MAST4: variants seen among roughly 807,000 people sequenced by gnomAD.
The protein encoded by MAST4 is microtubule associated serine/threonine kinase family member 4, also known as microtubule-associated serine/threonine-protein kinase 4.
MAST4 carries 89 observed loss-of-function variants against 162.7 expected under a neutral mutation model. That is an observed-to-expected ratio of 0.55 (90% confidence interval 0.46 to 0.65). MAST4 has a LOEUF of 0.65. Among genes scored for constraint, MAST4 ranks in the 30% least tolerant of loss-of-function variants. The pLI is 0.00. For missense variants in MAST4, 3,153 were observed against 3,374.0 expected, an observed-to-expected ratio of 0.93 and a Z score of 1.62; for synonymous variants, 1,479 against 1,361.1, an observed-to-expected ratio of 1.09 and a Z score of -1.91.
intron 5 of MAST4, among the ~76,000 whole-genome samples, chr5:67,062,346 C>T (rs762177615): frequency 7.2e-5 from 11 of 151,802 alleles, no homozygotes; most frequent in Non-Finnish European, 5.9e-5. Context: ...TGCAGTGAGC[C>T]GAGATCACGC....
intron 4 of MAST4, among the ~76,000 whole-genome samples, chr5:67,040,670 G>T (rs1756637945): frequency 6.6e-6 from 1 of 152,156 alleles, no homozygotes. Context: ...AGTCTGGTTT[G>T]GTTGGTATCC....
At chr5:66,855,324 A>C (rs575328708) in intron 3 of MAST4, among the ~76,000 whole-genome samples, 1 of 152,308 alleles carries the variant, frequency 6.6e-6, no homozygotes, top group Non-Finnish European at 1.5e-5. Flanking sequence ...CTATGATTAA[A>C]AGCTCCCTGA....
intron 4 of MAST4, among the ~76,000 whole-genome samples, chr5:66,992,149 G>T (rs1028526445): frequency 6.6e-6 from 1 of 152,112 alleles, no homozygotes; most frequent in Non-Finnish European, 1.5e-5. Context: ...GTGATTTTAT[G>T]ATTGCAATCG....
chr5:67,105,073 A>G (rs73766403), intron 10 of MAST4, among the ~76,000 whole-genome samples: 1,861 of 152,284 alleles, frequency 0.012, 37 homozygotes, highest in African/African-American at 0.042. Flanking sequence ...AAAATATCCA[A>G]TTTCCAAAAT....
chr5:66,832,777 G>T (rs530562156), intron 3 of MAST4, among the ~76,000 whole-genome samples: 107 of 152,332 alleles, frequency 7.0e-4, no homozygotes, highest in African/African-American at 2.4e-3. Flanking sequence ...AAGAAGTCTA[G>T]TTGGAAGATT....
At chr5:67,031,462 A>G (rs906455747) in intron 4 of MAST4, among the ~76,000 whole-genome samples, 3 of 147,980 alleles carry the variant, frequency 2.0e-5, no homozygotes, top group Non-Finnish European at 3.0e-5. Context: ...ATGGATGGTG[A>G]CTATTTGACA....
intron 4 of MAST4, among the ~76,000 whole-genome samples, chr5:67,040,594 A>C (rs768099921): frequency 2.6e-5 from 4 of 152,164 alleles, no homozygotes; most frequent in Non-Finnish European, 5.9e-5. Flanking sequence ...AAAACCTCAC[A>C]ATCTGATGTA....
At chr5:67,005,464 C>T (rs1051181517) in intron 4 of MAST4, among the ~76,000 whole-genome samples, 2 of 152,104 alleles carry the variant, frequency 1.3e-5, no homozygotes, top group Admixed American at 1.3e-4. Flanking sequence ...TTCGTTGAGC[C>T]CTTCAGATGT....
At chr5:66,872,393 C>G (rs1761002729) in intron 3 of MAST4, among the ~76,000 whole-genome samples, 1 of 152,170 alleles carries the variant, frequency 6.6e-6, no homozygotes. Context: ...TGGTCTCAAA[C>G]TCCTGACCTC....
chr5:66,613,525 T>G (rs1306877531), intron 1 of MAST4, among the ~76,000 whole-genome samples: 1 of 152,064 alleles, frequency 6.6e-6, no homozygotes, highest in Non-Finnish European at 1.5e-5. Flanking sequence ...GCCCCTGAGT[T>G]CTTGGCAGGA....
intron 19 of MAST4, among the ~76,000 whole-genome samples, chr5:67,139,873 C>A (rs995942675): frequency 6.6e-6 from 1 of 152,178 alleles, no homozygotes; most frequent in Non-Finnish European, 1.5e-5. Context: ...ACCAGCTTCT[C>A]GTAAGTGAGG....
chr5:67,138,618 G>A (rs1769977296), intron 19 of MAST4, among the ~76,000 whole-genome samples: 1 of 152,154 alleles, frequency 6.6e-6, no homozygotes, highest in African/African-American at 2.4e-5. Context: ...ATTTTTAGTA[G>A]AGATGGGATT....
chr5:66,749,088 G>A (rs973520454), intron 1 of MAST4, among the ~76,000 whole-genome samples: 26 of 152,084 alleles, frequency 1.7e-4, no homozygotes, highest in African/African-American at 6.0e-4. Context: ...GCTGCTGCAG[G>A]TTGTAGCAGA....
intron 5 of MAST4, among the ~76,000 whole-genome samples, chr5:67,057,539 GT>G (rs1311923383): frequency 1.3e-5 from 2 of 149,200 alleles, no homozygotes; most frequent in Non-Finnish European, 3.0e-5. Flanking sequence ...ACAAAATAGT[GT>G]TTGTGGGGAG....
chr5:66,753,137 G>A (rs1309322006), intron 1 of MAST4, among the ~76,000 whole-genome samples: 1 of 151,882 alleles, frequency 6.6e-6, no homozygotes, highest in Non-Finnish European at 1.5e-5. Flanking sequence ...GAATCTCTGG[G>A]ACGCATTCAA....
At chr5:67,052,039 G>T (rs987154765) in intron 4 of MAST4, among the ~76,000 whole-genome samples, 13 of 152,080 alleles carry the variant, frequency 8.5e-5, no homozygotes, top group African/African-American at 3.1e-4. Flanking sequence ...GATTATTCAT[G>T]GCATTTGTCA....
At chr5:66,999,027 T>C (rs1750978466) in intron 4 of MAST4, among the ~76,000 whole-genome samples, 1 of 152,244 alleles carries the variant, frequency 6.6e-6, no homozygotes, top group South Asian at 2.1e-4. Flanking sequence ...GTCTACTTCA[T>C]AATTGGATTA....
intron 4 of MAST4, among the ~76,000 whole-genome samples, chr5:66,949,964 C>T (rs866229514): frequency 3.9e-5 from 6 of 152,058 alleles, no homozygotes; most frequent in Admixed American, 1.3e-4. Flanking sequence ...CTTTGCTTTA[C>T]GAGAGCTGCA....
At chr5:66,624,816 T>C (rs1382141107) in intron 1 of MAST4, among the ~76,000 whole-genome samples, 1 of 152,166 alleles carries the variant, frequency 6.6e-6, no homozygotes, top group African/African-American at 2.4e-5. Flanking sequence ...AGCAAAAGAA[T>C]AAAATTGGAC....
Sources: gnomAD v4.1 joint callset for allele counts (sites outside exome capture counted in the v4.1 genomes callset) on GRCh38, gnomAD v4.1.1 for gene constraint, MANE v1.5 for transcripts, NCBI Gene and HGNC (gene_info 2026-07-23, HGNC 2026-07-21) for gene names.